The following REPS2 variants were observed in gnomAD, a reference collection of about 807,000 sequenced individuals.
The protein encoded by REPS2 is ralBP1-associated Eps domain-containing protein 2.
A neutral mutation model predicts 53.6 loss-of-function variants in REPS2; 23 were observed. That is an observed-to-expected ratio of 0.43 (90% CI 0.31 to 0.61). The LOEUF is 0.61. Among genes scored for constraint, REPS2 ranks in the 20% least tolerant of loss-of-function variants. REPS2 has a pLI of 0.11. For synonymous variants in REPS2, 238 were observed against 218.6 expected (o/e 1.09, Z -0.78); for missense variants, 446 against 534.9 (o/e 0.83, Z 1.64).
chrX:17,006,985 T>C (rs1323215832), intron 2 of REPS2, among the ~76,000 whole-genome samples: 1 of 112,483 alleles, frequency 8.9e-6, no homozygotes, highest in Admixed American at 9.4e-5. Flanking sequence ...CAGGATTGGT[T>C]TTAAAAATCT....
At chrX:17,089,540 TC>T (rs1194774615) in intron 13 of REPS2, among the ~76,000 whole-genome samples, 2 of 112,046 alleles carry the variant, frequency 1.8e-5, no homozygotes, top group East Asian at 5.6e-4. Context: ...TTACAGTTAA[TC>T]CCCATGCCCA....
chrX:17,161,105 G>C, the REPS2 span, among the ~76,000 whole-genome samples: 1 of 111,164 alleles, frequency 9.0e-6, no homozygotes, highest in Admixed American at 9.6e-5. Context: ...AATGGGATGA[G>C]ACTTTTGGGG....
chrX:17,078,590 A>G (rs769536593), intron 13 of REPS2, among the ~76,000 whole-genome samples: 22 of 112,259 alleles, frequency 2.0e-4, no homozygotes, highest in Non-Finnish European at 3.2e-4. Context: ...TGATGATGCT[A>G]TAAAAATTTC....
intron 1 of REPS2, among the ~76,000 whole-genome samples, chrX:16,957,312 A>T (rs1242523961): frequency 1.8e-5 from 2 of 110,400 alleles, no homozygotes; most frequent in East Asian, 2.9e-4. Context: ...TGGTAGGCTG[A>T]GGCAGGAGAA....
chrX:17,154,398 C>A (rs2063595826), downstream of REPS2, among the ~76,000 whole-genome samples: 1 of 112,298 alleles, frequency 8.9e-6, no homozygotes, highest in Non-Finnish European at 1.9e-5. Flanking sequence ...CAACTCCTTC[C>A]CCCAAGGAGC....
chrX:17,094,848 A>G (rs1010400262), intron 13 of REPS2, among the ~76,000 whole-genome samples: 3 of 110,017 alleles, frequency 2.7e-5, no homozygotes, highest in African/African-American at 1.0e-4. Context: ...TCATAAGGGT[A>G]TAGCTTTTTT....
At chrX:16,967,859 T>A (rs749358229) in intron 1 of REPS2, among the ~76,000 whole-genome samples, 1 of 109,314 alleles carries the variant, frequency 9.1e-6, no homozygotes, top group East Asian at 2.9e-4. Flanking sequence ...TTTTTTTTTT[T>A]AATTGATCAT....
At chrX:17,184,425 T>A in the REPS2 span, among the ~76,000 whole-genome samples, 1 of 105,242 alleles carries the variant, frequency 9.5e-6, no homozygotes, top group South Asian at 4.6e-4. Flanking sequence ...ATCCAGTCTA[T>A]CATTGTTGGA....
chrX:17,074,053 G>C (rs2062346901), intron 11 of REPS2, 61 bp from the exon 12 acceptor site: 1 of 1,050,134 alleles, frequency 9.5e-7, no homozygotes. Flanking sequence ...TACTAGCCCA[G>C]GTGCTGCATA....
intron 1 of REPS2, among the ~76,000 whole-genome samples, chrX:16,972,710 A>G (rs1306129976): frequency 1.8e-5 from 2 of 111,939 alleles, no homozygotes; most frequent in Non-Finnish European, 3.8e-5. Context: ...ATTATTGTTT[A>G]TAGTGGAATT....
intron 6 of REPS2, among the ~76,000 whole-genome samples, chrX:17,050,658 A>G: frequency 9.0e-6 from 1 of 111,200 alleles, no homozygotes; most frequent in Non-Finnish European, 1.9e-5. Flanking sequence ...GAATCTCATA[A>G]TATGTGGTCT....
intron 12 of REPS2, among the ~76,000 whole-genome samples, chrX:17,075,067 G>T (rs1289139440): frequency 8.9e-6 from 1 of 111,871 alleles, no homozygotes; most frequent in Admixed American, 9.5e-5. Context: ...CCTTGTTTAT[G>T]TAAGATACAG....
At chrX:17,169,252 G>A in the REPS2 span, among the ~76,000 whole-genome samples, 3 of 112,490 alleles carry the variant, frequency 2.7e-5, no homozygotes, top group Non-Finnish European at 5.6e-5. Flanking sequence ...TGCTATGCAA[G>A]GAAAGCTAAC....
chrX:17,121,276 A>G (rs2063137737), intron 14 of REPS2, among the ~76,000 whole-genome samples: 1 of 112,190 alleles, frequency 8.9e-6, no homozygotes, highest in Admixed American at 9.4e-5. Context: ...TCTGCCCATC[A>G]AATTTTGTAA....
At chrX:17,141,455 G>A (rs907883570) in intron 17 of REPS2, among the ~76,000 whole-genome samples, 11 of 111,966 alleles carry the variant, frequency 9.8e-5, no homozygotes, top group African/African-American at 2.6e-4. Context: ...ACACCTGAGC[G>A]GTTTCCAGTT....
chrX:17,129,986 G>A lies in REPS2; in HGVS notation c.1579-3838G>A, dbSNP rs565941826. ...GTGGTCCCTGCAGGAGGCTGCATGC[G>A]TAGACTTGGGCCAGAACATATATTA... On this transcript the variant is annotated intron_variant, in intron 14 of 17. Transcript: ENST00000357277. 1.1e-4 allele frequency among the ~76,000 whole-genome samples: 12 copies of A among 112,092 alleles called. No homozygotes were observed. The South Asian group carries it at 1.1e-3, about 10-fold the overall frequency.
chrX:17,126,197 G>A (rs1180762747), intron 14 of REPS2, among the ~76,000 whole-genome samples: 1 of 111,746 alleles, frequency 8.9e-6, no homozygotes, highest in Admixed American at 9.5e-5. Context: ...AGCAACAGCT[G>A]CTACCGCAGG....
chrX:16,998,203 T>C (rs964837341), intron 1 of REPS2, among the ~76,000 whole-genome samples: 3 of 111,792 alleles, frequency 2.7e-5, no homozygotes, highest in African/African-American at 3.3e-5. Context: ...GAGCTGTGAT[T>C]GTGCCACTGC....
chrX:17,179,782 C>T, the REPS2 span, among the ~76,000 whole-genome samples: 1 of 111,357 alleles, frequency 9.0e-6, no homozygotes, highest in African/African-American at 3.3e-5. Flanking sequence ...ATAAGGATGT[C>T]TTTGTGCTAT....
Sources: allele counts gnomAD v4.1 joint callset (sites outside exome capture counted in the v4.1 genomes callset), GRCh38; gene constraint gnomAD v4.1.1; transcripts MANE v1.5; gene names NCBI Gene and HGNC (gene_info 2026-07-23, HGNC 2026-07-21).